Variants in CNTNAP2 observed in about 807,000 individuals in gnomAD.
CNTNAP2 encodes the protein contactin-associated protein-like 2.
In CNTNAP2, 98 loss-of-function variants were observed where a neutral mutation model predicts 155.2. That is an observed-to-expected ratio of 0.63 (90% CI 0.54 to 0.75). CNTNAP2 has a LOEUF of 0.75. Ranked by LOEUF, CNTNAP2 falls within the 30% of genes least tolerant of loss-of-function variation. The probability of loss-of-function intolerance (pLI) is 0.00; values close to 1 mark genes in which losing one functional copy is unlikely to be tolerated. For synonymous variants in CNTNAP2, 651 were observed against 631.2 expected, an observed-to-expected ratio of 1.03 and a Z score of -0.47; for missense variants, 1,727 against 1,688.1, an observed-to-expected ratio of 1.02 and a Z score of -0.40.
intron 18 of CNTNAP2, among the ~76,000 whole-genome samples, chr7:148,174,424 C>CA (rs892702596): frequency 7.2e-5 from 11 of 152,046 alleles, no homozygotes; most frequent in South Asian, 2.1e-4. Flanking sequence ...GTGACCGCCC[C>CA]CCACCTCAGG....
intron 3 of CNTNAP2, among the ~76,000 whole-genome samples, chr7:146,965,370 G>A (rs969974962): frequency 6.7e-6 from 1 of 150,322 alleles, no homozygotes; most frequent in African/African-American, 2.5e-5. Context: ...AGGATGCTAG[G>A]AACCAGTGTT....
At chr7:147,309,755 CA>C (rs1795089188) in intron 9 of CNTNAP2, among the ~76,000 whole-genome samples, 1 of 151,926 alleles carries the variant, frequency 6.6e-6, no homozygotes, top group East Asian at 1.9e-4. Context: ...ATTTTTGGTT[CA>C]GGGGTACATG....
chr7:147,469,367 G>T (rs936496870), intron 10 of CNTNAP2, among the ~76,000 whole-genome samples: 1 of 151,972 alleles, frequency 6.6e-6, no homozygotes, highest in Non-Finnish European at 1.5e-5. Context: ...ATTGAAGTAG[G>T]ATGAAATTCA....
chr7:147,698,873 A>G (rs1459785652), intron 13 of CNTNAP2, among the ~76,000 whole-genome samples: 1 of 152,136 alleles, frequency 6.6e-6, no homozygotes, highest in East Asian at 1.9e-4. Context: ...TATCAGAAAT[A>G]CTAACCAAAA....
intron 9 of CNTNAP2, among the ~76,000 whole-genome samples, chr7:147,388,515 G>T (rs1796658354): frequency 6.6e-6 from 1 of 152,142 alleles, no homozygotes. Flanking sequence ...TACATATAGT[G>T]AAAACCACAA....
intron 15 of CNTNAP2, among the ~76,000 whole-genome samples, chr7:148,054,017 G>A (rs1802958282): frequency 6.8e-6 from 1 of 146,478 alleles, no homozygotes; most frequent in Non-Finnish European, 1.5e-5. Context: ...CTGTCGCCCA[G>A]GCTGGAGTGC....
In CNTNAP2 at chr7:147,863,484, A is replaced by G. The variant is rs6947077; in HGVS notation, c.2099-40081A>G. On this transcript the variant is annotated intron_variant, in intron 13 of 23. Coordinates refer to ENST00000361727, the MANE Select transcript of CNTNAP2 (RefSeq NM_014141.6). ...TGGGTTAAATGGTATTTCTAGTTCT[A>G]GATCCTTAAGGAATTACCGCACTGT... is the stretch of plus-strand genomic sequence containing the variant. 8.4e-3 allele frequency among the ~76,000 whole-genome samples: 1,279 copies of G among 152,302 alleles called. 24 individuals are homozygous for G. The highest frequency in any genetic ancestry group is 0.029 in the African/African-American group (1,224 of 41,550).
rs1800089573 is a variant in CNTNAP2, at chr7:148,420,477, C to T, written c.*4861C>T. 6.6e-6 allele frequency: 1 copy of T among 152,114 alleles called. No homozygotes were observed. The highest frequency in any genetic ancestry group is 1.5e-5 in the Non-Finnish European group (1 of 68,032). The allele number at this position is 152,114 out of a possible 1,614,324, so 9.4% of individuals were successfully genotyped here. On this transcript the variant is annotated 3_prime_UTR_variant, in exon 24 of 24. Transcript: ENST00000361727. Reference sequence around the variant, plus strand: ...TCTGTCATCTCCCATTGAGCAAAGACTGGCAGGAGATAATAAAAATAAATA... The same window carrying T: ...TCTGTCATCTCCCATTGAGCAAAGATTGGCAGGAGATAATAAAAATAAATA...
intron 9 of CNTNAP2, among the ~76,000 whole-genome samples, chr7:147,300,720 C>T (rs1379105222): frequency 6.6e-6 from 1 of 152,098 alleles, no homozygotes; most frequent in Admixed American, 6.6e-5. Context: ...ATGAGGTTGA[C>T]GTCAAACTGT....
intron 15 of CNTNAP2, among the ~76,000 whole-genome samples, chr7:148,075,056 C>T (rs1304792259): frequency 6.6e-6 from 1 of 152,162 alleles, no homozygotes; most frequent in African/African-American, 2.4e-5. Flanking sequence ...TTTCTCCTTC[C>T]CATTTTTTCA....
chr7:148,324,013 A>C (rs1213675655), intron 21 of CNTNAP2, among the ~76,000 whole-genome samples: 2 of 151,336 alleles, frequency 1.3e-5, no homozygotes, highest in East Asian at 3.9e-4. Context: ...CCTCCCGAGT[A>C]GCTGGGATTA....
intron 15 of CNTNAP2, among the ~76,000 whole-genome samples, chr7:148,031,125 G>T (rs1802469484): frequency 6.6e-6 from 1 of 152,090 alleles, no homozygotes; most frequent in African/African-American, 2.4e-5. Context: ...TTTCCTAATT[G>T]GCACTTCCAG....
chr7:147,000,329 C>T (rs1417745382), intron 3 of CNTNAP2, among the ~76,000 whole-genome samples: 4 of 151,978 alleles, frequency 2.6e-5, no homozygotes, highest in African/African-American at 9.7e-5. Context: ...TTCCTTAAAA[C>T]AGTTATTTTT....
At chr7:147,836,763 T>A (rs373062763) in intron 13 of CNTNAP2, among the ~76,000 whole-genome samples, 2 of 152,304 alleles carry the variant, frequency 1.3e-5, no homozygotes, top group East Asian at 3.9e-4. Context: ...ATTTGGAAAA[T>A]AAGTGAGTGA....
chr7:147,049,463 C>T (rs1367389262), intron 4 of CNTNAP2, among the ~76,000 whole-genome samples: 2 of 152,058 alleles, frequency 1.3e-5, no homozygotes, highest in East Asian at 3.9e-4. Context: ...ATACTCTGTT[C>T]TTGAGCTTAG....
At chr7:148,203,014 T>C (rs1795391662) in intron 18 of CNTNAP2, among the ~76,000 whole-genome samples, 1 of 152,238 alleles carries the variant, frequency 6.6e-6, no homozygotes, top group African/African-American at 2.4e-5. Flanking sequence ...ATCATAATCC[T>C]TCAGTTGTAT....
intron 5 of CNTNAP2, among the ~76,000 whole-genome samples, chr7:147,116,551 G>A (rs1800994072): frequency 6.6e-6 from 1 of 152,232 alleles, no homozygotes; most frequent in Non-Finnish European, 1.5e-5. Flanking sequence ...GAATGGATGG[G>A]GGGATGGGGC....
rs142171564 is a variant in CNTNAP2 at position 146,398,022 on chromosome 7, C to T, written c.97+281049C>T. Among the ~76,000 whole-genome samples the T allele has an allele frequency of 2.1e-3, 313 of 151,760 alleles. 2 individuals carry two copies. Among genetic ancestry groups the T allele is most frequent in the African/African-American group, 7.2e-3 (299 of 41,320 alleles). On this transcript the variant is annotated intron_variant, in intron 1 of 23. Transcript: ENST00000361727. The stretch of plus-strand genomic sequence containing the variant: ...CCCGGTAGCTGGGACTTCAGGCACA[C>T]GCCACCACACCTGACTAATTTTTGC...
intron 9 of CNTNAP2, among the ~76,000 whole-genome samples, chr7:147,370,584 G>A (rs961378429): frequency 3.9e-5 from 6 of 152,102 alleles, no homozygotes; most frequent in Non-Finnish European, 5.9e-5. Context: ...TTTTGTTGGA[G>A]AACTGGTTGA....
Sources: gnomAD v4.1 joint callset for allele counts (sites outside exome capture counted in the v4.1 genomes callset) on GRCh38, gnomAD v4.1.1 for gene constraint, MANE v1.5 for transcripts, NCBI Gene and HGNC (gene_info 2026-07-23, HGNC 2026-07-21) for gene names.